Variants in CPLX4 observed in about 807,000 individuals in gnomAD.
CPLX4 encodes complexin 4.
Under a neutral mutation model 16.1 loss-of-function variants are expected in CPLX4, and 17 were observed. The observed-to-expected ratio is 1.06, with a 90% confidence interval of 0.72 to 1.59. The LOEUF is 1.59. Ranked by LOEUF, CPLX4 falls within the 40% of genes most tolerant of loss-of-function variation. The probability of loss-of-function intolerance (pLI) is 0.00; values close to 1 mark genes in which losing one functional copy is unlikely to be tolerated. For missense variants in CPLX4, 193 were observed against 192.9 expected, an observed-to-expected ratio of 1.00 and a Z score of 0.00; for synonymous variants, 55 against 57.8, an observed-to-expected ratio of 0.95 and a Z score of 0.22.
At chr18:59,300,995 T>C (rs2070537126) in intron 2 of CPLX4, among the ~76,000 whole-genome samples, 1 of 152,194 alleles carries the variant, frequency 6.6e-6, no homozygotes, top group Non-Finnish European at 1.5e-5. Flanking sequence ...TGGCAGAACA[T>C]AAGTGCTGAT....
intron 2 of CPLX4, among the ~76,000 whole-genome samples, chr18:59,308,881 C>A (rs536971878): frequency 1.6e-4 from 25 of 152,144 alleles, no homozygotes; most frequent in Non-Finnish European, 3.4e-4. Context: ...GGGACGCGGG[C>A]GGGAGGGTAA....
intron 2 of CPLX4, among the ~76,000 whole-genome samples, chr18:59,306,052 A>C (rs2070575007): frequency 6.6e-6 from 1 of 151,934 alleles, no homozygotes; most frequent in African/African-American, 2.4e-5. Context: ...ACAGACCCTG[A>C]ACATCTGGAA....
At chr18:59,313,979 A>C (rs779807075) in intron 1 of CPLX4, among the ~76,000 whole-genome samples, 3 of 152,156 alleles carry the variant, frequency 2.0e-5, no homozygotes, top group Non-Finnish European at 4.4e-5. Context: ...ACTGGTTTCT[A>C]TGTCTTGACT....
chr18:59,311,000 T>A (rs976408922), intron 2 of CPLX4, among the ~76,000 whole-genome samples: 8 of 149,542 alleles, frequency 5.3e-5, no homozygotes, highest in African/African-American at 2.0e-4. Context: ...GTGAAATTTC[T>A]GCTTCATCCC....
chr18:59,303,355 A>T (rs573366967), intron 2 of CPLX4, among the ~76,000 whole-genome samples: 2 of 152,306 alleles, frequency 1.3e-5, no homozygotes, highest in African/African-American at 4.8e-5. Flanking sequence ...CCAGCTGTGC[A>T]CATCTCATAC....
intron 2 of CPLX4, among the ~76,000 whole-genome samples, chr18:59,303,244 A>G (rs2070554037): frequency 6.6e-6 from 1 of 152,178 alleles, no homozygotes; most frequent in African/African-American, 2.4e-5. Flanking sequence ...AGAGTAGGAC[A>G]GATGGTGTGG....
rs777421792 is a variant in CPLX4, at chr18:59,318,602, T to G, written c.-140A>C. ...GCAAAGGACTTTGCACAACCTCATC[T>G]ATTCAAGGGCATACTGATAGAGAAG... On this transcript the variant is annotated 5_prime_UTR_variant, in exon 1 of 3. Transcript: ENST00000299721. 3.6e-6 allele frequency: 5 copies of G among 1,394,066 alleles called. No individual in the cohort carries two copies. Among genetic ancestry groups the G allele is most frequent in the Non-Finnish European group, 4.7e-6 (5 of 1,064,290 alleles). 86.4% of individuals were successfully genotyped at this position (1,394,066 alleles called of 1,614,324 possible).
Position 59,296,786 on chromosome 18 carries a change from T to C in CPLX4, c.395A>G (p.Asn132Ser). ...TTCTTTTATGGTATCCAAGTCCATG[T>C]TCTGGAGATTCTGTATCTGCCCAAG... ...SILGQIQNLQNMDLDTIKEKA... is the reference protein window; with the variant it reads ...SILGQIQNLQSMDLDTIKEKA... The change falls in exon 3 of 3, where the codon AAC becomes AGC. Residue 132 changes from asparagine (N) to serine (S), a missense_variant. Transcript: ENST00000299721. 6.2e-7 allele frequency: 1 copy of C among 1,613,900 alleles called. No individual in the cohort carries two copies. The highest frequency in any genetic ancestry group is 8.5e-7 in the Non-Finnish European group (1 of 1,179,988).
In CPLX4 at chr18:59,304,806, G is replaced by A. The variant is rs542157978; in HGVS notation, c.255+7879C>T. Among the ~76,000 whole-genome samples the A allele has an allele frequency of 2.6e-5, 4 of 152,266 alleles. No individual in the cohort carries two copies. The South Asian group carries it at 6.2e-4, about 24-fold the overall frequency. On this transcript the variant is annotated intron_variant, in intron 2 of 2. Coordinates refer to ENST00000299721, the MANE Select transcript of CPLX4 (RefSeq NM_181654.4). The stretch of plus-strand genomic sequence containing the variant: ...AGGATCGTCTCGATCTCCTGACCTC[G>A]TGATCTGCCCACCTCGGCTTCCCAA...
chr18:59,318,399 A>G lies in CPLX4; in HGVS notation c.64T>C (p.Ser22Pro). Residue 22 changes from serine to proline, a missense_variant, in exon 1 of 3, where the codon TCT becomes CCT. By Grantham distance (74) the Ser-to-Pro change is moderately conservative. Transcript: ENST00000299721. The stretch of plus-strand genomic sequence containing the variant: ...CCTCCTTCTTCTTTATTTTCTTCAG[A>G]CCCACCACCAAATCCTAAATTCTTT... ...QVKNLGFGGG[S>P]EENKEEGGAS... The G allele has an allele frequency of 6.2e-7, 1 of 1,613,812 alleles. No individual in the cohort carries two copies. The highest frequency in any genetic ancestry group is 1.1e-5 in the South Asian group (1 of 91,018).
rs1221418016 is a variant in CPLX4 at position 59,296,375 on chromosome 18, A to G, written c.*323T>C. ...CTTGGCCTCCAAGGAAGAAAGTTGG[A>G]GAGGAAATGCCCCTTGCTTTTGTTT... On this transcript the variant is annotated 3_prime_UTR_variant, in exon 3 of 3. Coordinates refer to ENST00000299721, the MANE Select transcript of CPLX4 (RefSeq NM_181654.4). 4 of 328,756 alleles carry G rather than the reference A, an allele frequency of 1.2e-5. No homozygotes were observed. Among genetic ancestry groups the G allele is most frequent in the Non-Finnish European group, 2.2e-5 (4 of 179,140 alleles). 20.4% of individuals were successfully genotyped at this position (328,756 alleles called of 1,614,324 possible). A position where few individuals can be genotyped will look rare whatever the true frequency, so the allele number is the denominator to read the frequency against.
intron 2 of CPLX4, among the ~76,000 whole-genome samples, chr18:59,299,482 TGTCAGCCAGCCA>T (rs2070524945): frequency 2.6e-5 from 4 of 152,176 alleles, no homozygotes; most frequent in Admixed American, 6.5e-5. Context: ...GAGGAAAGCG[TGTCAGCCAGCCA>T]GGAGTATAAA....
intron 2 of CPLX4, among the ~76,000 whole-genome samples, chr18:59,302,095 C>A (rs970266435): frequency 6.6e-6 from 1 of 152,170 alleles, no homozygotes; most frequent in Non-Finnish European, 1.5e-5. Context: ...CGGGACACAG[C>A]AAGCAATTAA....
At chr18:59,297,523 A>C (rs1444174278) in intron 2 of CPLX4, among the ~76,000 whole-genome samples, 1 of 152,036 alleles carries the variant, frequency 6.6e-6, no homozygotes, top group East Asian at 1.9e-4. Context: ...CAGGCGATCC[A>C]ACCACCCCGG....
intron 2 of CPLX4, among the ~76,000 whole-genome samples, chr18:59,301,031 C>A (rs2070537463): frequency 1.3e-5 from 2 of 152,176 alleles, no homozygotes; most frequent in Admixed American, 1.3e-4. Flanking sequence ...ACAACCTGGC[C>A]CTCTTTTTTT....
chr18:59,306,224 A>T (rs1199423563), intron 2 of CPLX4, among the ~76,000 whole-genome samples: 1 of 152,214 alleles, frequency 6.6e-6, no homozygotes, highest in African/African-American at 2.4e-5. Context: ...AAGATACAGG[A>T]TGTGGAATAA....
rs1239679760 is a variant in CPLX4, at chr18:59,295,524, T to C, written c.*1174A>G. ...CCCTAAGTTTTCGGTCTCAGTTTCC[T>C]TTTCCTTTGATAGATCTTTATTCAC... On this transcript the variant is annotated 3_prime_UTR_variant, in exon 3 of 3. Coordinates refer to ENST00000299721, the MANE Select transcript of CPLX4 (RefSeq NM_181654.4). 1 of 151,712 alleles carries C rather than the reference T, an allele frequency of 6.6e-6. No individual in the cohort carries two copies. The highest frequency in any genetic ancestry group is 1.5e-5 in the Non-Finnish European group (1 of 67,986). 9.4% of individuals were successfully genotyped at this position (151,712 alleles called of 1,614,324 possible).
rs1603391068 is a variant in CPLX4, at chr18:59,298,233, G to A, written c.256-1308C>T. On this transcript the variant is annotated intron_variant, in intron 2 of 2. Coordinates refer to ENST00000299721, the MANE Select transcript of CPLX4 (RefSeq NM_181654.4). ...GCCTTCCAAGTAGCTGGGACTACAG[G>A]TATGCACCCCCATACTCAGCTGAGA... Among the ~76,000 whole-genome samples, 3 of 152,188 alleles carry A rather than the reference G, an allele frequency of 2.0e-5. No individual in the cohort carries two copies. The South Asian group carries it at 6.2e-4, about 32-fold the overall frequency.
At chr18:59,313,007 ATC>A (rs769930164) in intron 1 of CPLX4, among the ~76,000 whole-genome samples, 6 of 152,116 alleles carry the variant, frequency 3.9e-5, no homozygotes, top group Admixed American at 2.0e-4. Flanking sequence ...GGTCCTAGGA[ATC>A]TCTGTGTGAT....
Sources: gnomAD v4.1 joint callset for allele counts (sites outside exome capture counted in the v4.1 genomes callset) on GRCh38, gnomAD v4.1.1 for gene constraint, MANE v1.5 for transcripts, NCBI Gene and HGNC (gene_info 2026-07-23, HGNC 2026-07-21) for gene names.